The following ASTN2 variants were observed in gnomAD, a reference collection of about 807,000 sequenced individuals.
ASTN2 encodes the protein astrotactin-2.
Under a neutral mutation model 139.8 loss-of-function variants are expected in ASTN2, and 54 were observed. The ratio of observed to expected loss-of-function variants is 0.39; its 90% confidence interval spans 0.31 to 0.48. The LOEUF (loss-of-function observed/expected upper bound fraction) is 0.48, where lower values mean the gene tolerates loss of function less well. ASTN2 is among the 20% of genes least tolerant of loss of function. The pLI is 0.95. For missense variants in ASTN2, 1,565 were observed against 1,725.1 expected (o/e 0.91, Z 1.64); for synonymous variants, 756 against 719.5 (o/e 1.05, Z -0.81).
chr9:116,631,534 G>T (rs908565258), intron 17 of ASTN2, among the ~76,000 whole-genome samples: 6 of 151,902 alleles, frequency 3.9e-5, no homozygotes, highest in Admixed American at 2.6e-4. Context: ...TGGAGGTGGA[G>T]AGATGATTGG....
chr9:117,243,203 T>C (rs937415846), intron 2 of ASTN2, among the ~76,000 whole-genome samples: 1 of 152,250 alleles, frequency 6.6e-6, no homozygotes, highest in Non-Finnish European at 1.5e-5. Context: ...TGATACTATG[T>C]TGTCTAACTC....
At chr9:117,392,372 C>A (rs1237087578) in intron 1 of ASTN2, among the ~76,000 whole-genome samples, 2 of 152,204 alleles carry the variant, frequency 1.3e-5, no homozygotes, top group Non-Finnish European at 2.9e-5. Context: ...TAATCCTTCT[C>A]TGGAAGCAAA....
At chr9:117,279,827 T>G (rs1564123162) in intron 2 of ASTN2, among the ~76,000 whole-genome samples, 1 of 152,236 alleles carries the variant, frequency 6.6e-6, no homozygotes, top group Non-Finnish European at 1.5e-5. Flanking sequence ...TCTTCCAGCT[T>G]ATGGTAGCTC....
At chr9:117,187,004 C>T (rs914308899) in intron 3 of ASTN2, among the ~76,000 whole-genome samples, 19 of 152,114 alleles carry the variant, frequency 1.2e-4, no homozygotes, top group African/African-American at 4.6e-4. Context: ...TGGTGCACGC[C>T]TGTAATCCCA....
chr9:116,530,397 T>C (rs1851294009), intron 19 of ASTN2, among the ~76,000 whole-genome samples: 2 of 151,446 alleles, frequency 1.3e-5, no homozygotes, highest in South Asian at 4.2e-4. Flanking sequence ...TTAGGAAGAA[T>C]AAATTTAAGA....
At chr9:117,001,249 C>A (rs1014983308) in intron 7 of ASTN2, among the ~76,000 whole-genome samples, 10 of 152,180 alleles carry the variant, frequency 6.6e-5, no homozygotes, top group African/African-American at 2.2e-4. Flanking sequence ...ACAGATTTGA[C>A]TCACAAAGGA....
intron 16 of ASTN2, among the ~76,000 whole-genome samples, chr9:116,719,677 C>T (rs1344441839): frequency 6.6e-6 from 1 of 151,974 alleles, no homozygotes; most frequent in Non-Finnish European, 1.5e-5. Flanking sequence ...GAGATCATGA[C>T]CATAGAAACA....
chr9:116,611,288 T>G (rs1485200340), intron 19 of ASTN2: 1 of 152,094 alleles, frequency 6.6e-6, no homozygotes, highest in African/African-American at 2.4e-5. Context: ...AAGCAGTAGT[T>G]AAGAGGGAAT....
intron 13 of ASTN2, among the ~76,000 whole-genome samples, chr9:116,790,462 T>G (rs1347070805): frequency 6.6e-6 from 1 of 152,054 alleles, no homozygotes; most frequent in African/African-American, 2.4e-5. Context: ...CACCCCTTCA[T>G]GACCCACCTT....
At chr9:116,621,415 ACACACACACACACACACACATGCACG>A (rs1319919530) in intron 17 of ASTN2, among the ~76,000 whole-genome samples, 43 of 76,434 alleles carry the variant, frequency 5.6e-4, no homozygotes, top group African/African-American at 3.9e-3. Flanking sequence ...TAAAACACAT[ACACACACACACACACACACATGCACG>A]CACACACACA....
intron 13 of ASTN2, among the ~76,000 whole-genome samples, chr9:116,804,639 G>C (rs867886114): frequency 6.6e-6 from 1 of 151,848 alleles, no homozygotes; most frequent in South Asian, 2.1e-4. Context: ...ATTAATAAAT[G>C]GTAACCATTT....
At chr9:116,517,010 C>T (rs755294341) in intron 19 of ASTN2, among the ~76,000 whole-genome samples, 12 of 152,188 alleles carry the variant, frequency 7.9e-5, no homozygotes, top group African/African-American at 1.4e-4. Context: ...TCCCTGCCCC[C>T]ACCTGGTGTT....
chr9:117,357,771 G>A (rs895142657), intron 1 of ASTN2, among the ~76,000 whole-genome samples: 4 of 152,010 alleles, frequency 2.6e-5, no homozygotes, highest in African/African-American at 9.7e-5. Flanking sequence ...CTTTTTTAAA[G>A]AATGAAAATT....
At chr9:117,076,690 G>T (rs1451941546) in intron 5 of ASTN2, among the ~76,000 whole-genome samples, 1 of 152,092 alleles carries the variant, frequency 6.6e-6, no homozygotes, top group Non-Finnish European at 1.5e-5. Context: ...GGGGCAGCGG[G>T]GGTGGAGGGA....
At chr9:116,774,714 T>C (rs891889377) in intron 13 of ASTN2, among the ~76,000 whole-genome samples, 5 of 151,960 alleles carry the variant, frequency 3.3e-5, no homozygotes, top group African/African-American at 1.2e-4. Context: ...CAGTGAAGGC[T>C]AGAAGCTTGT....
chr9:116,530,096 T>G (rs10983219), intron 19 of ASTN2, among the ~76,000 whole-genome samples: 23 of 7,762 alleles, frequency 3.0e-3, no homozygotes, highest in Non-Finnish European at 5.1e-3. Context: ...TAAAGTGTGA[T>G]ATATATATAT....
In ASTN2 at chr9:116,425,364, T is replaced by C; in HGVS notation, c.*487A>G. 2 of 594,766 alleles carry C rather than the reference T, an allele frequency of 3.4e-6. No homozygotes were observed. Among genetic ancestry groups the C allele is most frequent in the Non-Finnish European group, 6.0e-6 (2 of 332,822 alleles). 36.8% of individuals were successfully genotyped at this position (594,766 alleles called of 1,614,324 possible). A position where few individuals can be genotyped will look rare whatever the true frequency, so the allele number is the denominator to read the frequency against. On this transcript the variant is annotated 3_prime_UTR_variant, in exon 23 of 23. Coordinates refer to ENST00000313400, the MANE Select transcript of ASTN2 (RefSeq NM_001365068.1). ...AGAGAGAGAAGTCCTTAAAGACCCA[T>C]GCTTCCTCACTGCAACCATCCTCAG... is the stretch of plus-strand genomic sequence containing the variant.
At chr9:117,113,085 T>A (rs1829288972) in intron 4 of ASTN2, among the ~76,000 whole-genome samples, 1 of 152,168 alleles carries the variant, frequency 6.6e-6, no homozygotes, top group South Asian at 2.1e-4. Flanking sequence ...AGATCAGTCT[T>A]ACCAGTCTTG....
intron 16 of ASTN2, among the ~76,000 whole-genome samples, chr9:116,693,891 C>T (rs1016498829): frequency 5.3e-5 from 8 of 152,128 alleles, no homozygotes; most frequent in South Asian, 2.1e-4. Flanking sequence ...CTGGAGGAGA[C>T]GGGCTCTATC....
Sources: gnomAD v4.1 joint callset for allele counts (sites outside exome capture counted in the v4.1 genomes callset) on GRCh38, gnomAD v4.1.1 for gene constraint, MANE v1.5 for transcripts, NCBI Gene and HGNC (gene_info 2026-07-23, HGNC 2026-07-21) for gene names.